NEIL3: variants seen among roughly 807,000 people sequenced by gnomAD.
The protein encoded by NEIL3 is endonuclease 8-like 3.
A neutral mutation model predicts 57.5 loss-of-function variants in NEIL3; 48 were observed. That is an observed-to-expected ratio of 0.83 (90% CI 0.66 to 1.06). NEIL3 has a LOEUF of 1.06. NEIL3 is among the 50% of genes least tolerant of loss of function. The pLI is 0.00. For missense variants in NEIL3, 717 were observed against 739.1 expected, an observed-to-expected ratio of 0.97 and a Z score of 0.35; for synonymous variants, 261 against 253.2, an observed-to-expected ratio of 1.03 and a Z score of -0.29.
At chr4:177,359,089 G>A (rs1201801794) in intron 8 of NEIL3, among the ~76,000 whole-genome samples, 1 of 152,112 alleles carries the variant, frequency 6.6e-6, no homozygotes, top group African/African-American at 2.4e-5. Flanking sequence ...GGAGGGGGTT[G>A]GTGAACTGAA....
chr4:177,324,950 C>T (rs923606034), intron 2 of NEIL3, among the ~76,000 whole-genome samples: 16 of 149,334 alleles, frequency 1.1e-4, no homozygotes, highest in Admixed American at 6.7e-5. Context: ...ATTTAAAAAA[C>T]AGATAGATAG....
chr4:177,312,483 G>A (rs1372195033), intron 1 of NEIL3, among the ~76,000 whole-genome samples: 2 of 152,148 alleles, frequency 1.3e-5, no homozygotes, highest in East Asian at 1.9e-4. Flanking sequence ...AGTTTTGTTC[G>A]GTTGAGTCAA....
the NEIL3 span, among the ~76,000 whole-genome samples, chr4:177,371,020 G>C: frequency 6.6e-6 from 1 of 152,142 alleles, no homozygotes; most frequent in Admixed American, 6.5e-5. Context: ...GTGGGCACTT[G>C]GCATCTGTTT....
intron 8 of NEIL3, among the ~76,000 whole-genome samples, chr4:177,360,020 C>G (rs1189030642): frequency 6.6e-6 from 1 of 152,130 alleles, no homozygotes; most frequent in African/African-American, 2.4e-5. Flanking sequence ...TTAAAGTGGA[C>G]AGCAGAGAGA....
intron 6 of NEIL3, among the ~76,000 whole-genome samples, chr4:177,346,948 GC>G (rs1311387942): frequency 6.6e-6 from 1 of 150,442 alleles, no homozygotes; most frequent in Non-Finnish European, 1.5e-5. Flanking sequence ...GTTGCAGTGA[GC>G]CGAGATCGCG....
the NEIL3 span, among the ~76,000 whole-genome samples, chr4:177,370,770 G>A: frequency 5.9e-5 from 9 of 152,006 alleles, no homozygotes; most frequent in East Asian, 1.9e-4. Flanking sequence ...GTGTGGTGGC[G>A]AGCACCTGTA....
chr4:177,322,395 A>T (rs1734701843), intron 1 of NEIL3, 64 bp from the exon 2 acceptor site: 1 of 1,601,308 alleles, frequency 6.2e-7, no homozygotes, highest in South Asian at 1.1e-5. Context: ...TAAGAATTAA[A>T]TAATGCTTTT....
At chr4:177,315,629 A>G (rs1447801344) in intron 1 of NEIL3, among the ~76,000 whole-genome samples, 1 of 152,184 alleles carries the variant, frequency 6.6e-6, no homozygotes, top group East Asian at 1.9e-4. Flanking sequence ...ACAAGTGAAT[A>G]TCTTATAAAT....
chr4:177,331,718 A>G (rs1256784089), intron 2 of NEIL3, among the ~76,000 whole-genome samples: 1 of 152,228 alleles, frequency 6.6e-6, no homozygotes, highest in African/African-American at 2.4e-5. Flanking sequence ...GTATAGACAT[A>G]TAAGAGCTAA....
intron 1 of NEIL3, among the ~76,000 whole-genome samples, chr4:177,319,055 G>GTGT (rs1734627208): frequency 6.6e-6 from 1 of 152,196 alleles, no homozygotes; most frequent in African/African-American, 2.4e-5. Flanking sequence ...ACTGTTACAG[G>GTGT]TGTTGGCTTT....
the NEIL3 span, among the ~76,000 whole-genome samples, chr4:177,370,452 G>A: frequency 6.6e-6 from 1 of 152,212 alleles, no homozygotes; most frequent in Non-Finnish European, 1.5e-5. Context: ...CACATTCATT[G>A]AAATCTATTC....
At chr4:177,358,734 C>T (rs1735541589) in intron 8 of NEIL3, among the ~76,000 whole-genome samples, 2 of 152,086 alleles carry the variant, frequency 1.3e-5, no homozygotes, top group South Asian at 4.1e-4. Context: ...GCCCTTCTCC[C>T]CAGAAAAATT....
chr4:177,346,422 G>C (rs1210548148), intron 6 of NEIL3, among the ~76,000 whole-genome samples: 3 of 152,126 alleles, frequency 2.0e-5, no homozygotes, highest in Non-Finnish European at 2.9e-5. Flanking sequence ...TCCTGCCTCA[G>C]CTGTCCAGAG....
chr4:177,347,720 G>T (rs1735253114), intron 6 of NEIL3, among the ~76,000 whole-genome samples: 3 of 152,100 alleles, frequency 2.0e-5, no homozygotes, highest in Admixed American at 1.3e-4. Context: ...AGTTGAGTTA[G>T]GGTTAAGGCC....
At chr4:177,334,880 A>C (rs1279613267) in intron 2 of NEIL3, among the ~76,000 whole-genome samples, 1 of 152,188 alleles carries the variant, frequency 6.6e-6, no homozygotes, top group Non-Finnish European at 1.5e-5. Flanking sequence ...ATCATTTTTG[A>C]TCTTCATCAT....
At chr4:177,333,624 C>T (rs544386037) in intron 2 of NEIL3, among the ~76,000 whole-genome samples, 1 of 152,320 alleles carries the variant, frequency 6.6e-6, no homozygotes, top group East Asian at 1.9e-4. Flanking sequence ...TTCATTTCTT[C>T]ACTCTGCTCC....
At chr4:177,347,500 A>G (rs1735247317) in intron 6 of NEIL3, among the ~76,000 whole-genome samples, 1 of 152,178 alleles carries the variant, frequency 6.6e-6, no homozygotes, top group African/African-American at 2.4e-5. Flanking sequence ...CTGGGAAGCC[A>G]CTGGGAGAGT....
intron 1 of NEIL3, among the ~76,000 whole-genome samples, chr4:177,312,572 GATAAT>G (rs1473352319): frequency 5.9e-5 from 9 of 152,248 alleles, no homozygotes; most frequent in African/African-American, 2.2e-4. Context: ...AGTGCAGCCT[GATAAT>G]ATAATACAAA....
At chr4:177,353,019 C>A (rs1735391695) in intron 7 of NEIL3, among the ~76,000 whole-genome samples, 1 of 152,084 alleles carries the variant, frequency 6.6e-6, no homozygotes, top group African/African-American at 2.4e-5. Flanking sequence ...AAACTGATAA[C>A]TGAGTGACCT....
Sources: allele counts gnomAD v4.1 joint callset (sites outside exome capture counted in the v4.1 genomes callset), GRCh38; gene constraint gnomAD v4.1.1; transcripts MANE v1.5; gene names NCBI Gene and HGNC (gene_info 2026-07-23, HGNC 2026-07-21).